Variants in SPTLC3 observed in about 807,000 individuals in gnomAD.
SPTLC3 encodes serine palmitoyltransferase 3.
Under a neutral mutation model 59.3 loss-of-function variants are expected in SPTLC3, and 36 were observed. The ratio of observed to expected loss-of-function variants is 0.61; its 90% confidence interval spans 0.47 to 0.80. The LOEUF (loss-of-function observed/expected upper bound fraction) is 0.80, where lower values mean the gene tolerates loss of function less well. Among genes scored for constraint, SPTLC3 ranks in the 30% least tolerant of loss-of-function variants. The pLI is 0.00. For synonymous variants in SPTLC3, 257 were observed against 240.8 expected, an observed-to-expected ratio of 1.07 and a Z score of -0.62; for missense variants, 625 against 685.1, an observed-to-expected ratio of 0.91 and a Z score of 0.98.
intron 2 of SPTLC3, among the ~76,000 whole-genome samples, chr20:13,062,515 C>G (rs1309926175): frequency 6.6e-6 from 1 of 152,118 alleles, no homozygotes; most frequent in African/African-American, 2.4e-5. Context: ...TTGCACAAAG[C>G]CAGTATGTGA....
chr20:13,095,359 TCACTC>T (rs1303621078), intron 6 of SPTLC3, among the ~76,000 whole-genome samples: 2 of 152,174 alleles, frequency 1.3e-5, no homozygotes, highest in Admixed American at 1.3e-4. Flanking sequence ...CCTTGTTTCT[TCACTC>T]CATTCTACTG....
In SPTLC3 at chr20:13,117,727, T is replaced by A. The variant is rs1990644896; in HGVS notation, c.1152+2T>A. 6.2e-7 allele frequency: 1 copy of A among 1,607,298 alleles called. No individual in the cohort carries two copies. Among genetic ancestry groups the A allele is most frequent in the Admixed American group, 1.7e-5 (1 of 59,112 alleles). The stretch of plus-strand genomic sequence containing the variant: ...GGAGGTTACATAGCTGGAAGGAAGG[T>A]AAGAGAGGGCCTGCTTGTGTCTGTT... On this transcript the variant is annotated splice_donor_variant, in intron 8 of 11. Transcript: ENST00000399002. LOFTEE classifies it high-confidence loss of function.
chr20:13,160,788 C>T (rs1677575707), intron 11 of SPTLC3, among the ~76,000 whole-genome samples: 1 of 152,158 alleles, frequency 6.6e-6, no homozygotes, highest in Non-Finnish European at 1.5e-5. Flanking sequence ...AAACAAGCAA[C>T]ACATATAATA....
Position 13,078,875 on chromosome 20 carries a change from T to C in SPTLC3, c.607+4378T>C, listed in dbSNP as rs988169377. ...CTCGAAATAGAGTTTTGGTCCATTT[T>C]CCTCCACTTTACATATTTAAGTAAT... On this transcript the variant is annotated intron_variant, in intron 4 of 11. Coordinates refer to ENST00000399002, the MANE Select transcript of SPTLC3 (RefSeq NM_018327.4). Among the ~76,000 whole-genome samples the C allele has an allele frequency of 7.9e-5, 12 of 152,240 alleles. No individual in the cohort carries two copies. The East Asian group carries it at 2.3e-3, about 29-fold the overall frequency.
chr20:13,144,010 T>C (rs889386933), intron 9 of SPTLC3, among the ~76,000 whole-genome samples: 17 of 152,182 alleles, frequency 1.1e-4, no homozygotes, highest in Admixed American at 2.0e-4. Context: ...GAGCATGTCA[T>C]GTTTACTTAC....
chr20:13,015,702 AT>A (rs1255503430), intron 1 of SPTLC3, among the ~76,000 whole-genome samples: 1 of 152,162 alleles, frequency 6.6e-6, no homozygotes, highest in Non-Finnish European at 1.5e-5. Context: ...ATAAATAATA[AT>A]AATGAGGGTG....
intron 1 of SPTLC3, among the ~76,000 whole-genome samples, chr20:13,028,261 T>C (rs1161235342): frequency 2.0e-5 from 3 of 152,176 alleles, no homozygotes; most frequent in African/African-American, 7.2e-5. Flanking sequence ...ATCTTAGTAA[T>C]ACATTTCTCA....
chr20:13,157,962 T>C (rs989968325), intron 10 of SPTLC3, among the ~76,000 whole-genome samples: 1 of 152,232 alleles, frequency 6.6e-6, no homozygotes, highest in African/African-American at 2.4e-5. Context: ...ATATAGTCTG[T>C]AGCCAGTTAT....
intron 9 of SPTLC3, among the ~76,000 whole-genome samples, chr20:13,129,628 C>G (rs1486964743): frequency 2.0e-5 from 3 of 152,356 alleles, no homozygotes; most frequent in African/African-American, 7.2e-5. Flanking sequence ...GTCCTTTGGT[C>G]TATATGTCAT....
chr20:13,114,034 G>T (rs1056987571), intron 7 of SPTLC3, among the ~76,000 whole-genome samples: 4 of 152,224 alleles, frequency 2.6e-5, no homozygotes, highest in African/African-American at 9.6e-5. Context: ...CCGAGATGAG[G>T]CAGAGCGGGG....
At chr20:13,140,881 T>C (rs1196755375) in intron 9 of SPTLC3, among the ~76,000 whole-genome samples, 1 of 152,228 alleles carries the variant, frequency 6.6e-6, no homozygotes, top group African/African-American at 2.4e-5. Flanking sequence ...TTTCATTTAC[T>C]CTGATTATTT....
At chr20:13,129,664 C>A (rs932299863) in intron 9 of SPTLC3, among the ~76,000 whole-genome samples, 2 of 152,198 alleles carry the variant, frequency 1.3e-5, no homozygotes, top group Non-Finnish European at 2.9e-5. Context: ...TACATGTATG[C>A]AACTTTGCAA....
intron 10 of SPTLC3, among the ~76,000 whole-genome samples, chr20:13,155,288 A>C (rs2038743185): frequency 6.6e-6 from 1 of 152,148 alleles, no homozygotes. Context: ...CATACTACGC[A>C]TCAGATTCTA....
intron 1 of SPTLC3, among the ~76,000 whole-genome samples, chr20:13,040,153 T>C (rs1178078257): frequency 6.6e-6 from 1 of 152,036 alleles, no homozygotes; most frequent in Non-Finnish European, 1.5e-5. Context: ...CATTTCTGGT[T>C]TTATTCATTA....
chr20:13,156,973 T>A (rs1479171880), intron 10 of SPTLC3, among the ~76,000 whole-genome samples: 1 of 152,210 alleles, frequency 6.6e-6, no homozygotes, highest in African/African-American at 2.4e-5. Context: ...CTGGATAATA[T>A]GTCAAACAAT....
chr20:13,140,419 C>A (rs2038353537), intron 9 of SPTLC3, among the ~76,000 whole-genome samples: 1 of 152,116 alleles, frequency 6.6e-6, no homozygotes, highest in South Asian at 2.1e-4. Flanking sequence ...TGGCACCCAG[C>A]CCTTGAGTAA....
intron 6 of SPTLC3, among the ~76,000 whole-genome samples, chr20:13,103,217 T>G (rs138640036): frequency 1.2e-3 from 178 of 152,326 alleles, no homozygotes; most frequent in African/African-American, 4.0e-3. Context: ...ATAATTGTTT[T>G]GCTTGACAAA....
intron 2 of SPTLC3, among the ~76,000 whole-genome samples, chr20:13,057,652 C>A (rs1254608323): frequency 6.6e-6 from 1 of 152,132 alleles, no homozygotes; most frequent in Non-Finnish European, 1.5e-5. Flanking sequence ...CAAGACAGCA[C>A]TAAAAAGCTC....
intron 2 of SPTLC3, among the ~76,000 whole-genome samples, chr20:13,065,101 A>G (rs1988142839): frequency 6.6e-6 from 1 of 152,036 alleles, no homozygotes; most frequent in African/African-American, 2.4e-5. Context: ...GGAATTTTTC[A>G]TGGGTGACAT....
Sources: allele counts gnomAD v4.1 joint callset (sites outside exome capture counted in the v4.1 genomes callset), GRCh38; gene constraint gnomAD v4.1.1; transcripts MANE v1.5; gene names NCBI Gene and HGNC (gene_info 2026-07-23, HGNC 2026-07-21).